DYNC2H1: variants seen among roughly 807,000 people sequenced by gnomAD.
The protein encoded by DYNC2H1 is cytoplasmic dynein 2 heavy chain 1.
A neutral mutation model predicts 570.0 loss-of-function variants in DYNC2H1; 410 were observed. That is an observed-to-expected ratio of 0.72 (90% CI 0.66 to 0.78). The LOEUF (loss-of-function observed/expected upper bound fraction) is 0.78. DYNC2H1 is among the 30% of genes least tolerant of loss of function. DYNC2H1 has a pLI of 0.00. For missense variants in DYNC2H1, 4,865 were observed against 5,046.4 expected, an observed-to-expected ratio of 0.96 and a Z score of 1.09; for synonymous variants, 1,688 against 1,677.6, an observed-to-expected ratio of 1.01 and a Z score of -0.15.
At position 103,289,473 on chromosome 11, in the gene DYNC2H1, A is replaced by C. The variant is rs1866502538; in HGVS notation, c.11095+1868A>C. Among the ~76,000 whole-genome samples the C allele has an allele frequency of 6.6e-6, 1 of 152,142 alleles. No homozygotes were observed. The highest frequency in any genetic ancestry group is 2.4e-5 in the African/African-American group (1 of 41,430). On this transcript the variant is annotated intron_variant, in intron 75 of 88. Transcript: ENST00000375735. The surrounding 1 kb of genome is among the most constrained non-coding windows in gnomAD (Gnocchi z 4.2). ...TTTCACTGTCATAATTTCCTCAGTT[A>C]TAATATTTGCAAAGGTGGTTTCAGT...
At chr11:103,276,188 T>TACACACACACAC (rs150556013) in intron 70 of DYNC2H1, among the ~76,000 whole-genome samples, 195 of 151,464 alleles carry the variant, frequency 1.3e-3, no homozygotes, top group African/African-American at 4.6e-3. Flanking sequence ...TATTGAGTAC[T>TACACACACACAC]ACACACACAC....
intron 12 of DYNC2H1, 64 bp downstream of exon 12, chr11:103,125,359 C>G: frequency 1.0e-6 from 1 of 956,828 alleles, no homozygotes; most frequent in Non-Finnish European, 1.4e-6. Flanking sequence ...CTAGAATATG[C>G]TAAAGGCTTT....
intron 61 of DYNC2H1, 46 bp from the exon 62 acceptor site, chr11:103,235,626 G>A (rs756920807): frequency 1.3e-6 from 2 of 1,542,336 alleles, no homozygotes; most frequent in Non-Finnish European, 1.7e-6. Flanking sequence ...TTTAATGTTA[G>A]AACATACTCA....
intron 70 of DYNC2H1, among the ~76,000 whole-genome samples, chr11:103,266,937 A>G (rs1158579926): frequency 2.0e-5 from 3 of 152,166 alleles, no homozygotes; most frequent in East Asian, 1.9e-4. Context: ...AAAGTCTCCA[A>G]TGGGAGCAAG....
rs1863868983 is a variant in DYNC2H1, at chr11:103,228,129, T to G, written c.9354-3131T>G. Among the ~76,000 whole-genome samples the G allele has an allele frequency of 6.6e-6, 1 of 152,242 alleles. No individual in the cohort carries two copies. The highest frequency in any genetic ancestry group is 2.4e-5 in the African/African-American group (1 of 41,462). On this transcript the variant is annotated intron_variant, in intron 59 of 88. Transcript: ENST00000375735. This position sits in a 1 kb window ranked among gnomAD's most constrained non-coding sequence, Gnocchi z 6.1. ...CAGCAGAAACTTGGTTGGTGAATTC[T>G]TATCCATTCTGCCATTGTGTATCTT...
At chr11:103,429,472 T>C (rs776797409) in intron 84 of DYNC2H1, among the ~76,000 whole-genome samples, 2 of 151,952 alleles carry the variant, frequency 1.3e-5, no homozygotes, top group Non-Finnish European at 2.9e-5. Context: ...AAAAAAAAAA[T>C]TGAATGCTAC....
chr11:103,321,314 A>C, intron 81 of DYNC2H1, 77 bp downstream of exon 81: 3 of 1,222,924 alleles, frequency 2.5e-6, no homozygotes, highest in Admixed American at 2.0e-5. Context: ...AATACATGTT[A>C]CTTCTTTTCA....
intron 65 of DYNC2H1, among the ~76,000 whole-genome samples, chr11:103,248,969 G>A (rs764906411): frequency 6.6e-6 from 1 of 152,002 alleles, no homozygotes; most frequent in African/African-American, 2.4e-5. Flanking sequence ...TCCCTGGAAA[G>A]GACCCAGAGA....
Position 103,325,063 on chromosome 11 carries a change from G to GT in DYNC2H1, c.12039+1079dup, listed in dbSNP as rs1938402903. 6.6e-6 allele frequency among the ~76,000 whole-genome samples: 1 copy of GT among 152,052 alleles called. No individual in the cohort carries two copies. The highest frequency in any genetic ancestry group is 2.1e-4 in the South Asian group (1 of 4,832). The stretch of plus-strand genomic sequence containing the variant: ...TGCCCACTTTTTAATGGGCTTGTTT[G>GT]TTTTTTGCTTGTTAATTTCTTTAAG... On this transcript the variant is annotated intron_variant, in intron 82 of 88. Coordinates refer to ENST00000375735, the MANE Select transcript of DYNC2H1 (RefSeq NM_001377.3). This position sits in a 1 kb window ranked among gnomAD's most constrained non-coding sequence, Gnocchi z 4.8.
chr11:103,392,037 C>T (rs887073096), intron 83 of DYNC2H1, among the ~76,000 whole-genome samples: 7 of 152,196 alleles, frequency 4.6e-5, no homozygotes, highest in African/African-American at 1.4e-4. Flanking sequence ...CAGACAGGGA[C>T]ATTTAAGTCC....
intron 55 of DYNC2H1, among the ~76,000 whole-genome samples, 166 bp from the exon 56 acceptor site, chr11:103,219,749 T>C (rs1202550966): frequency 1.3e-5 from 2 of 152,194 alleles, no homozygotes; most frequent in Non-Finnish European, 2.9e-5. Flanking sequence ...GTAAAATATA[T>C]CATTGGTTTC....
intron 31 of DYNC2H1, among the ~76,000 whole-genome samples, chr11:103,167,563 C>T (rs926611463): frequency 2.0e-5 from 3 of 152,172 alleles, no homozygotes; most frequent in Middle Eastern, 3.4e-3. Context: ...CCTCTTTGCC[C>T]GGCAATAATA....
At chr11:103,389,369 G>C (rs1942034924) in intron 83 of DYNC2H1, among the ~76,000 whole-genome samples, 1 of 152,050 alleles carries the variant, frequency 6.6e-6, no homozygotes, top group Non-Finnish European at 1.5e-5. Flanking sequence ...ATTTTTTATT[G>C]CATCTATTTG....
chr11:103,267,629 A>G (rs1252720443), intron 70 of DYNC2H1, among the ~76,000 whole-genome samples: 1 of 151,938 alleles, frequency 6.6e-6, no homozygotes, highest in Non-Finnish European at 1.5e-5. Flanking sequence ...AAACTTTTTC[A>G]TTATACAAAC....
intron 12 of DYNC2H1, among the ~76,000 whole-genome samples, chr11:103,126,196 A>G (rs1015075447): frequency 2.0e-5 from 3 of 152,230 alleles, no homozygotes; most frequent in Non-Finnish European, 4.4e-5. Flanking sequence ...AAAAATGAAT[A>G]CAGTACTATC....
intron 82 of DYNC2H1, among the ~76,000 whole-genome samples, chr11:103,327,317 A>G (rs1399978930): frequency 6.6e-6 from 1 of 151,920 alleles, no homozygotes; most frequent in Non-Finnish European, 1.5e-5. Flanking sequence ...TTTAAACTCA[A>G]GTTCTACCCA....
At position 103,200,142 on chromosome 11, in the gene DYNC2H1, C is replaced by A. The variant is rs749230385; in HGVS notation, c.8185C>A (p.Leu2729Ile). The A allele has an allele frequency of 6.4e-7, 1 of 1,566,870 alleles. No homozygotes were observed. Residue 2729 changes from leucine (L) to isoleucine (I), a missense_variant, in exon 50 of 89, where the codon CTT becomes ATT. By Grantham distance (5) the Leu-to-Ile change is conservative (BLOSUM62 2). Coordinates refer to ENST00000375735, the MANE Select transcript of DYNC2H1 (RefSeq NM_001377.3). ...HPTFLEMINS[L>I]LSSGEVPGLY... Reference sequence around the variant, plus strand: ...TACATTTTTGGAGATGATCAATAGCCTTTTGTCTTCAGGCAAGTGAACAGT... The same window carrying A: ...TACATTTTTGGAGATGATCAATAGCATTTTGTCTTCAGGCAAGTGAACAGT...
chr11:103,170,416 T>A lies in DYNC2H1; in HGVS notation c.5151+126T>A, dbSNP rs1440536820. ...AAATTAGTTGAAGACAGAATTTGTT[T>A]AAATTGAAATGTAAAATGGACAGAG... On this transcript the variant is annotated intron_variant, in intron 33 of 88. Transcript: ENST00000375735. The surrounding 1 kb of genome is among the most constrained non-coding windows in gnomAD (Gnocchi z 4.8). 2.0e-6 allele frequency: 2 copies of A among 1,013,032 alleles called. No individual in the cohort carries two copies. Among genetic ancestry groups the A allele is most frequent in the African/African-American group, 1.7e-5 (1 of 60,494 alleles). The allele number at this position is 1,013,032 out of a possible 1,614,324, so 62.8% of individuals were successfully genotyped here. A position where few individuals can be genotyped will look rare whatever the true frequency, so the allele number is the denominator to read the frequency against.
chr11:103,218,696 A>G (rs1408718121), intron 55 of DYNC2H1, among the ~76,000 whole-genome samples: 2 of 152,226 alleles, frequency 1.3e-5, no homozygotes, highest in Non-Finnish European at 2.9e-5. Context: ...GGCTAGTGAC[A>G]TTAGTAATAC....
Sources: gnomAD v4.1 joint callset for allele counts (sites outside exome capture counted in the v4.1 genomes callset) on GRCh38, gnomAD v4.1.1 for gene constraint, Gnocchi (gnomAD v3.1) non-coding constraint, MANE v1.5 for transcripts, NCBI Gene and HGNC (gene_info 2026-07-23, HGNC 2026-07-21) for gene names.